The following NEK5 variants were observed in gnomAD, a reference collection of about 807,000 sequenced individuals.
NEK5 encodes the protein serine/threonine-protein kinase Nek5.
Under a neutral mutation model 109.2 loss-of-function variants are expected in NEK5, and 88 were observed. That is an observed-to-expected ratio of 0.81 (90% CI 0.68 to 0.96). The LOEUF (loss-of-function observed/expected upper bound fraction) is 0.96, where lower values mean the gene tolerates loss of function less well. Among genes scored for constraint, NEK5 ranks in the 40% least tolerant of loss-of-function variants. The pLI is 0.00. For missense variants in NEK5, 834 were observed against 920.7 expected (o/e 0.91, Z 1.22); for synonymous variants, 283 against 299.9 (o/e 0.94, Z 0.58).
chr13:52,121,004 A>G (rs1201213785), intron 3 of NEK5, among the ~76,000 whole-genome samples: 1 of 152,122 alleles, frequency 6.6e-6, no homozygotes, highest in Non-Finnish European at 1.5e-5. Context: ...GTCAATAACT[A>G]CTATTGGCCA....
chr13:52,040,407 A>C (rs1021615914), intron 23 of NEK5, among the ~76,000 whole-genome samples: 2 of 151,946 alleles, frequency 1.3e-5, no homozygotes, highest in Non-Finnish European at 2.9e-5. Flanking sequence ...TTGATCTTGG[A>C]CTTCCTAGCC....
At chr13:52,127,108 T>A (rs1004542023) in intron 3 of NEK5, among the ~76,000 whole-genome samples, 2 of 152,180 alleles carry the variant, frequency 1.3e-5, no homozygotes, top group Admixed American at 1.3e-4. Flanking sequence ...TATCTCGAAC[T>A]CCTGGCTTCA....
intron 23 of NEK5, among the ~76,000 whole-genome samples, chr13:52,037,767 C>CA (rs1555307036): frequency 6.6e-6 from 1 of 152,116 alleles, no homozygotes; most frequent in East Asian, 1.9e-4. Flanking sequence ...ACTAAAAATA[C>CA]AAAAAATTAG....
chr13:52,092,997 T>C, intron 13 of NEK5, 57 bp downstream of exon 13: 1 of 1,142,612 alleles, frequency 8.8e-7, no homozygotes, highest in South Asian at 1.7e-5. Context: ...ATAATAAATG[T>C]TAATATATAA....
chr13:52,064,486 T>C (rs4444230), intron 21 of NEK5, among the ~76,000 whole-genome samples: 76,054 of 132,410 alleles, frequency 0.57, 22,919 homozygotes, highest in Middle Eastern at 0.7. Flanking sequence ...CCGCCCCGTC[T>C]GGGAGGGAGG....
At chr13:52,077,508 T>C (rs567204906) in intron 17 of NEK5, among the ~76,000 whole-genome samples, 8 of 152,192 alleles carry the variant, frequency 5.3e-5, no homozygotes, top group Non-Finnish European at 7.4e-5. Context: ...AAACCGAAGA[T>C]GAGTGTGGCC....
intron 8 of NEK5, among the ~76,000 whole-genome samples, chr13:52,105,804 T>C (rs1955640962): frequency 6.6e-6 from 1 of 152,200 alleles, no homozygotes. Context: ...CACCTGATTA[T>C]TGCTAAGATC....
At chr13:52,117,170 C>T (rs987208436) in intron 4 of NEK5, among the ~76,000 whole-genome samples, 14 of 152,192 alleles carry the variant, frequency 9.2e-5, no homozygotes, top group Admixed American at 4.6e-4. Context: ...CTGCCCGCCT[C>T]GGCCTCCCAG....
chr13:52,054,797 G>C (rs1954539021), intron 22 of NEK5, among the ~76,000 whole-genome samples: 1 of 152,170 alleles, frequency 6.6e-6, no homozygotes, highest in Non-Finnish European at 1.5e-5. Flanking sequence ...AAACCCATCT[G>C]TACATCACCA....
chr13:52,057,217 C>G (rs1006281857), intron 22 of NEK5, among the ~76,000 whole-genome samples: 10 of 152,056 alleles, frequency 6.6e-5, no homozygotes, highest in African/African-American at 2.2e-4. Context: ...ATAAATTCCT[C>G]GACACATACA....
At chr13:52,068,540 CAACT>C (rs901598600) in intron 20 of NEK5, among the ~76,000 whole-genome samples, 15 of 151,722 alleles carry the variant, frequency 9.9e-5, no homozygotes, top group Non-Finnish European at 1.5e-4. Flanking sequence ...ATCTGACAAC[CAACT>C]GAGGAAAACA....
intron 22 of NEK5, among the ~76,000 whole-genome samples, chr13:52,061,558 A>T (rs1954614747): frequency 6.6e-6 from 1 of 152,208 alleles, no homozygotes; most frequent in African/African-American, 2.4e-5. Flanking sequence ...TCAGCTACAA[A>T]GCCACTAGCC....
intron 4 of NEK5, among the ~76,000 whole-genome samples, chr13:52,117,002 T>A (rs1222564384): frequency 6.6e-6 from 1 of 151,896 alleles, no homozygotes; most frequent in Non-Finnish European, 1.5e-5. Flanking sequence ...CACTGCAACC[T>A]CTGCCTCCCA....
At chr13:52,088,317 C>T (rs557031948) in intron 14 of NEK5, among the ~76,000 whole-genome samples, 113 of 151,748 alleles carry the variant, frequency 7.4e-4, no homozygotes, top group Middle Eastern at 3.4e-3. Context: ...TGCAGTAGGG[C>T]GATCTCGGCT....
intron 22 of NEK5, among the ~76,000 whole-genome samples, chr13:52,050,611 C>CTTT (rs33996599): frequency 8.9e-5 from 12 of 134,786 alleles, no homozygotes; most frequent in South Asian, 2.4e-4. Context: ...ACACCTTCAT[C>CTTT]TTTTTTTTTT....
At chr13:52,100,782 T>C (rs959019909) in intron 11 of NEK5, among the ~76,000 whole-genome samples, 8 of 152,224 alleles carry the variant, frequency 5.3e-5, no homozygotes, top group African/African-American at 1.9e-4. Flanking sequence ...TCCCATACTC[T>C]GTACTTGTCT....
At chr13:52,114,941 A>G (rs1418822767) in intron 4 of NEK5, among the ~76,000 whole-genome samples, 1 of 151,942 alleles carries the variant, frequency 6.6e-6, no homozygotes, top group African/African-American at 2.4e-5. Flanking sequence ...CTTTTCACCA[A>G]CCTCCAACTC....
chr13:52,112,222 C>T, intron 5 of NEK5, 46 bp downstream of exon 5: 1 of 988,160 alleles, frequency 1.0e-6, no homozygotes, highest in Non-Finnish European at 1.6e-6. Flanking sequence ...TAATTCTCCC[C>T]CCACCACACA....
Position 52,080,985 on chromosome 13 carries a change from A to AT in NEK5, c.1572+2274dup, listed in dbSNP as rs200494383. Among the ~76,000 whole-genome samples, 96 of 122,394 alleles carry AT rather than the reference A, an allele frequency of 7.8e-4. 1 individual carries two copies. Among genetic ancestry groups the AT allele is most frequent in the African/African-American group, 2.0e-3 (78 of 38,976 alleles). The allele number at this position is 122,394 out of a possible 152,430, so 80.3% of individuals were successfully genotyped here. On this transcript the variant is annotated intron_variant, in intron 17 of 23. Transcript: ENST00000684899. ...CACTTAAAGAAATAAAAAATATGTC[A>AT]TTTAAAAAAAAAAAAGGTAATCTGA...
Sources: allele counts gnomAD v4.1 joint callset (sites outside exome capture counted in the v4.1 genomes callset), GRCh38; gene constraint gnomAD v4.1.1; transcripts MANE v1.5; gene names NCBI Gene and HGNC (gene_info 2026-07-23, HGNC 2026-07-21).